The following ZNF804B variants were observed in gnomAD, a reference collection of about 807,000 sequenced individuals.
The protein encoded by ZNF804B is zinc finger protein 804B.
ZNF804B carries 80 observed loss-of-function variants against 101.4 expected under a neutral mutation model. That is an observed-to-expected ratio of 0.79 (90% confidence interval 0.66 to 0.95). The LOEUF is 0.95. Ranked by LOEUF, ZNF804B falls within the 40% of genes least tolerant of loss-of-function variation. The pLI is 0.00. For synonymous variants in ZNF804B, 622 were observed against 558.8 expected, an observed-to-expected ratio of 1.11 and a Z score of -1.59; for missense variants, 1,673 against 1,561.9, an observed-to-expected ratio of 1.07 and a Z score of -1.20.
intron 1 of ZNF804B, among the ~76,000 whole-genome samples, chr7:88,860,124 A>G (rs1791625248): frequency 6.6e-6 from 1 of 152,010 alleles, no homozygotes; most frequent in Admixed American, 6.6e-5. Flanking sequence ...CTGCTTTGTT[A>G]TATTTGGAAA....
chr7:88,898,583 C>A (rs1792343988), intron 1 of ZNF804B, among the ~76,000 whole-genome samples: 1 of 152,266 alleles, frequency 6.6e-6, no homozygotes, highest in South Asian at 2.1e-4. Context: ...GGTCACACCT[C>A]TCCCCCGCTT....
In ZNF804B at chr7:88,978,419, A is replaced by G. The variant is rs80033784; in HGVS notation, c.108+218335A>G. Reference sequence around the variant, plus strand: ...GAGTGCTCCAGTTTTGGGTGAATATACATTTGCAATTGTTATATCCCCTTG... The same window carrying G: ...GAGTGCTCCAGTTTTGGGTGAATATGCATTTGCAATTGTTATATCCCCTTG... On this transcript the variant is annotated intron_variant, in intron 1 of 3. Coordinates refer to ENST00000333190, the MANE Select transcript of ZNF804B (RefSeq NM_181646.5). Among the ~76,000 whole-genome samples, 582 of 151,946 alleles carry G rather than the reference A, an allele frequency of 3.8e-3. 7 individuals carry two copies. Among genetic ancestry groups the G allele is most frequent in the African/African-American group, 0.013 (551 of 41,536 alleles).
At chr7:88,779,054 T>C (rs1167754749) in intron 1 of ZNF804B, among the ~76,000 whole-genome samples, 1 of 152,196 alleles carries the variant, frequency 6.6e-6, no homozygotes, top group East Asian at 1.9e-4. Context: ...TGCATGTGTG[T>C]CACTTTTCCC....
intron 1 of ZNF804B, among the ~76,000 whole-genome samples, chr7:88,844,344 A>G (rs1445013971): frequency 6.6e-6 from 1 of 152,172 alleles, no homozygotes; most frequent in Non-Finnish European, 1.5e-5. Context: ...CATTATTTTT[A>G]GTTGGTATGT....
intron 1 of ZNF804B, among the ~76,000 whole-genome samples, chr7:88,806,725 T>G (rs1790698726): frequency 6.6e-6 from 1 of 152,094 alleles, no homozygotes; most frequent in East Asian, 1.9e-4. Flanking sequence ...AGCATACTTT[T>G]AAGCTTTGCC....
At chr7:89,170,315 C>T in intron 1 of ZNF804B, among the ~76,000 whole-genome samples, 1 of 152,166 alleles carries the variant, frequency 6.6e-6, no homozygotes, top group East Asian at 1.9e-4. Context: ...AATTGATTTA[C>T]CTAACCAATG....
intron 1 of ZNF804B, among the ~76,000 whole-genome samples, chr7:89,080,133 T>C (rs1789674212): frequency 6.6e-6 from 1 of 151,848 alleles, no homozygotes; most frequent in Non-Finnish European, 1.5e-5. Flanking sequence ...AGGATAAAGA[T>C]GGTGCCTTGG....
chr7:88,938,954 C>T (rs959236863), intron 1 of ZNF804B, among the ~76,000 whole-genome samples: 2 of 151,826 alleles, frequency 1.3e-5, no homozygotes, highest in Non-Finnish European at 2.9e-5. Context: ...TTTGATTAAC[C>T]TAAGGAATTC....
intron 1 of ZNF804B, among the ~76,000 whole-genome samples, chr7:88,967,546 G>A (rs146227289): frequency 6.6e-6 from 1 of 151,426 alleles, no homozygotes; most frequent in Admixed American, 6.6e-5. Context: ...GATGAAATAA[G>A]CAGAAATTTA....
chr7:88,949,417 T>C (rs1439281196), intron 1 of ZNF804B, among the ~76,000 whole-genome samples: 1 of 151,904 alleles, frequency 6.6e-6, no homozygotes, highest in Admixed American at 6.6e-5. Context: ...TGTCCTCTGA[T>C]TGAGAACCAT....
Position 88,914,745 on chromosome 7 carries a change from T to C in ZNF804B, c.108+154661T>C, listed in dbSNP as rs143609866. 1.6e-4 allele frequency among the ~76,000 whole-genome samples: 24 copies of C among 152,326 alleles called. No homozygotes were observed. In the East Asian group the frequency reaches 4.6e-3, roughly 29 times the overall value. ...TTTGGAAATTAAATGTAGGAGCTAA[T>C]TACTTCAAAGGACATTGTTGACAGA... On this transcript the variant is annotated intron_variant, in intron 1 of 3. Transcript: ENST00000333190.
At chr7:89,174,242 C>T (rs992519127) in intron 1 of ZNF804B, among the ~76,000 whole-genome samples, 3 of 151,958 alleles carry the variant, frequency 2.0e-5, no homozygotes, top group African/African-American at 7.2e-5. Flanking sequence ...CTCATCCCAC[C>T]ACTCACTACC....
At chr7:89,048,210 A>ACACT (rs1177307529) in intron 1 of ZNF804B, among the ~76,000 whole-genome samples, 2 of 150,092 alleles carry the variant, frequency 1.3e-5, no homozygotes, top group African/African-American at 5.0e-5. Flanking sequence ...ACAAACACAC[A>ACACT]CACACACACA....
chr7:89,303,549 T>A (rs1790515750), intron 2 of ZNF804B, among the ~76,000 whole-genome samples: 1 of 151,954 alleles, frequency 6.6e-6, no homozygotes, highest in Non-Finnish European at 1.5e-5. Context: ...CTGAGCAAGT[T>A]ATCCAACATC....
At chr7:89,002,163 A>G (rs1788300529) in intron 1 of ZNF804B, among the ~76,000 whole-genome samples, 1 of 151,698 alleles carries the variant, frequency 6.6e-6, no homozygotes, top group Admixed American at 6.6e-5. Flanking sequence ...AATAAAAAGT[A>G]CAAATACAGT....
At chr7:89,322,790 G>A (rs935208793) in intron 2 of ZNF804B, among the ~76,000 whole-genome samples, 11 of 152,056 alleles carry the variant, frequency 7.2e-5, no homozygotes, top group African/African-American at 1.7e-4. Flanking sequence ...AACAAGTTCC[G>A]ACAACAACCA....
intron 1 of ZNF804B, among the ~76,000 whole-genome samples, chr7:89,100,961 T>G (rs914508043): frequency 5.3e-5 from 8 of 152,030 alleles, no homozygotes; most frequent in Admixed American, 5.2e-4. Context: ...TATACACAGG[T>G]ATGTATATAT....
At chr7:89,001,761 T>C (rs907266138) in intron 1 of ZNF804B, among the ~76,000 whole-genome samples, 11 of 151,950 alleles carry the variant, frequency 7.2e-5, no homozygotes, top group East Asian at 1.9e-4. Context: ...TCAGATAATC[T>C]TATAGTATTG....
chr7:89,032,840 A>G (rs547084925), intron 1 of ZNF804B, among the ~76,000 whole-genome samples: 3 of 152,090 alleles, frequency 2.0e-5, no homozygotes, highest in East Asian at 1.9e-4. Context: ...ATGGTTGCAT[A>G]TATTTATGGC....
Sources: gnomAD v4.1 joint callset for allele counts (sites outside exome capture counted in the v4.1 genomes callset) on GRCh38, gnomAD v4.1.1 for gene constraint, MANE v1.5 for transcripts, NCBI Gene and HGNC (gene_info 2026-07-23, HGNC 2026-07-21) for gene names.